SGCD: variants seen among roughly 807,000 people sequenced by gnomAD.
SGCD encodes the protein delta-sarcoglycan.
In SGCD, 18 loss-of-function variants were observed where a neutral mutation model predicts 36.6. That is an observed-to-expected ratio of 0.49 (90% CI 0.34 to 0.73). The LOEUF is 0.73. Among genes scored for constraint, SGCD ranks in the 30% least tolerant of loss-of-function variants. The pLI is 0.01. For missense variants in SGCD, 387 were observed against 346.7 expected (o/e 1.12, Z -0.92); for synonymous variants, 133 against 130.6 (o/e 1.02, Z -0.12).
At chr5:156,754,956 G>A (rs550993885) in intron 7 of SGCD, among the ~76,000 whole-genome samples, 19 of 152,230 alleles carry the variant, frequency 1.2e-4, no homozygotes, top group South Asian at 8.3e-4. Context: ...AACTTATTTC[G>A]GGAAGATATA....
the SGCD span, among the ~76,000 whole-genome samples, chr5:155,846,680 T>C: frequency 6.6e-6 from 1 of 152,230 alleles, no homozygotes; most frequent in Non-Finnish European, 1.5e-5. Flanking sequence ...TGCCATCTAA[T>C]CATGCAATTT....
chr5:156,709,421 G>A (rs1358102780), intron 7 of SGCD, among the ~76,000 whole-genome samples: 1 of 152,168 alleles, frequency 6.6e-6, no homozygotes, highest in East Asian at 1.9e-4. Flanking sequence ...GTAACTACAT[G>A]CAAGTGAAGT....
chr5:156,545,023 G>C (rs1480678359), intron 4 of SGCD, among the ~76,000 whole-genome samples: 1 of 152,148 alleles, frequency 6.6e-6, no homozygotes, highest in Non-Finnish European at 1.5e-5. Flanking sequence ...CTTTCAGCAT[G>C]TCAGTTTCTT....
At chr5:156,134,270 A>G (rs749776454) in intron 3 of SGCD, among the ~76,000 whole-genome samples, 5 of 152,128 alleles carry the variant, frequency 3.3e-5, no homozygotes, top group Non-Finnish European at 5.9e-5. Context: ...CCCATCTCAT[A>G]TATTTGTTAT....
intron 6 of SGCD, among the ~76,000 whole-genome samples, chr5:156,611,829 T>A (rs1253339593): frequency 6.6e-6 from 1 of 152,244 alleles, no homozygotes; most frequent in African/African-American, 2.4e-5. Flanking sequence ...GTCTTCATGT[T>A]CAAAAATTCT....
intron 1 of SGCD, among the ~76,000 whole-genome samples, chr5:156,056,012 C>G (rs772720409): frequency 6.8e-6 from 1 of 146,358 alleles, no homozygotes; most frequent in Non-Finnish European, 1.5e-5. Flanking sequence ...AAAAAGTCAC[C>G]TAGTCTAACC....
chr5:156,087,060 G>A (rs1761116732), intron 1 of SGCD, among the ~76,000 whole-genome samples: 1 of 152,162 alleles, frequency 6.6e-6, no homozygotes, highest in Non-Finnish European at 1.5e-5. Context: ...AGTCTATCTT[G>A]CATTCCCATG....
At chr5:155,981,963 C>T (rs1394208978) in intron 1 of SGCD, among the ~76,000 whole-genome samples, 1 of 152,200 alleles carries the variant, frequency 6.6e-6, no homozygotes. Flanking sequence ...ATGGATTATT[C>T]TAACCAGGAA....
At chr5:156,296,347 A>G (rs1423353026) in intron 3 of SGCD, among the ~76,000 whole-genome samples, 1 of 152,154 alleles carries the variant, frequency 6.6e-6, no homozygotes, top group Admixed American at 6.5e-5. Flanking sequence ...ATTCTTGTAT[A>G]AGACAGTCCA....
At chr5:156,199,417 CCCT>C (rs148577025) in intron 3 of SGCD, among the ~76,000 whole-genome samples, 2,468 of 152,190 alleles carry the variant, frequency 0.016, 67 homozygotes, top group African/African-American at 0.056. Context: ...GCATGCAAGG[CCCT>C]TTACATAGTG....
rs1170590046 is a variant in SGCD, at chr5:156,161,662, A to G, written c.-44+37643A>G. Reference sequence around the variant, plus strand: ...TGCTTATACTTTCTAATTCTACTGTAAAACAAGAAATGAGTGATACAGAAG... The same window carrying G: ...TGCTTATACTTTCTAATTCTACTGTGAAACAAGAAATGAGTGATACAGAAG... On this transcript the variant is annotated intron_variant, in intron 3 of 9. Transcript: ENST00000517913. 1.3e-5 allele frequency among the ~76,000 whole-genome samples: 2 copies of G among 151,890 alleles called. 1 individual carries two copies. Among genetic ancestry groups the G allele is most frequent in the African/African-American group, 4.9e-5 (2 of 41,128 alleles).
chr5:155,774,485 G>A, the SGCD span, among the ~76,000 whole-genome samples: 4 of 152,124 alleles, frequency 2.6e-5, no homozygotes, highest in Admixed American at 1.3e-4. Context: ...TCAGAAGTCC[G>A]AAATCCATTT....
chr5:156,394,027 T>G (rs1398573421), intron 3 of SGCD, among the ~76,000 whole-genome samples: 2 of 152,198 alleles, frequency 1.3e-5, no homozygotes, highest in Non-Finnish European at 2.9e-5. Flanking sequence ...TAATGGTGCT[T>G]TGGGAGTCAG....
At chr5:156,255,291 A>G (rs937730843) in intron 3 of SGCD, among the ~76,000 whole-genome samples, 2 of 152,218 alleles carry the variant, frequency 1.3e-5, no homozygotes, top group African/African-American at 2.4e-5. Flanking sequence ...TTATCATGGT[A>G]TGTTACATAA....
chr5:155,996,906 T>A (rs10064121), intron 1 of SGCD, among the ~76,000 whole-genome samples: 1 of 141,902 alleles, frequency 7.0e-6, no homozygotes, highest in Non-Finnish European at 1.6e-5. Context: ...GATAGATAGA[T>A]AGACAGACAG....
At chr5:155,963,840 A>G (rs879064143) in intron 1 of SGCD, among the ~76,000 whole-genome samples, 1 of 152,114 alleles carries the variant, frequency 6.6e-6, no homozygotes, top group African/African-American at 2.4e-5. Flanking sequence ...TGTATTAAAA[A>G]TGAACCCCTT....
intron 1 of SGCD, among the ~76,000 whole-genome samples, chr5:156,057,729 C>T (rs1385073984): frequency 6.9e-6 from 1 of 145,904 alleles, no homozygotes; most frequent in Non-Finnish European, 1.5e-5. Context: ...GTGAAACTGT[C>T]TCCTGCTGGC....
intron 1 of SGCD, among the ~76,000 whole-genome samples, chr5:156,001,285 T>C (rs1758659620): frequency 6.6e-6 from 1 of 152,150 alleles, no homozygotes; most frequent in South Asian, 2.1e-4. Flanking sequence ...CAAAACAAAA[T>C]GCAAGTGAAT....
At chr5:156,181,005 G>A (rs1033309040) in intron 3 of SGCD, among the ~76,000 whole-genome samples, 3 of 152,136 alleles carry the variant, frequency 2.0e-5, no homozygotes, top group East Asian at 3.9e-4. Context: ...TAAGACAAAT[G>A]CATTTCTTTT....
Sources: gnomAD v4.1 joint callset for allele counts (sites outside exome capture counted in the v4.1 genomes callset) on GRCh38, gnomAD v4.1.1 for gene constraint, MANE v1.5 for transcripts, NCBI Gene and HGNC (gene_info 2026-07-23, HGNC 2026-07-21) for gene names.